The following PTPRD variants were observed in gnomAD, a reference collection of about 807,000 sequenced individuals.
PTPRD encodes the protein protein tyrosine phosphatase receptor type D.
PTPRD carries 34 observed loss-of-function variants against 214.5 expected under a neutral mutation model. That is an observed-to-expected ratio of 0.16 (90% CI 0.12 to 0.21). PTPRD has a LOEUF of 0.21. Ranked by LOEUF, PTPRD falls within the 10% of genes least tolerant of loss-of-function variation. The pLI, the probability that PTPRD is intolerant of heterozygous loss-of-function variation, is 1.00. For missense variants in PTPRD, 2,545 were observed against 2,398.7 expected, an observed-to-expected ratio of 1.06 and a Z score of -1.27; for synonymous variants, 1,128 against 845.7, an observed-to-expected ratio of 1.33 and a Z score of -5.79.
intron 10 of PTPRD, among the ~76,000 whole-genome samples, chr9:9,109,202 C>A (rs1052275659): frequency 1.3e-5 from 2 of 152,148 alleles, no homozygotes; most frequent in African/African-American, 4.8e-5. Context: ...AGTTTCTCAA[C>A]TTTTAAACCT....
intron 21 of PTPRD, among the ~76,000 whole-genome samples, chr9:8,512,807 T>A (rs1385700029): frequency 6.6e-6 from 1 of 151,960 alleles, no homozygotes; most frequent in African/African-American, 2.4e-5. Flanking sequence ...AAGACACATA[T>A]TAGGATTTAA....
chr9:8,452,146 T>C (rs2095983606), intron 33 of PTPRD, among the ~76,000 whole-genome samples: 1 of 152,206 alleles, frequency 6.6e-6, no homozygotes, highest in Non-Finnish European at 1.5e-5. Context: ...TAACTTCTCT[T>C]TCACTGTTTA....
intron 8 of PTPRD, among the ~76,000 whole-genome samples, chr9:9,562,791 A>G (rs1396895017): frequency 6.6e-6 from 1 of 151,880 alleles, no homozygotes; most frequent in Non-Finnish European, 1.5e-5. Flanking sequence ...TTATCCCCAA[A>G]TCTCCTATTT....
intron 4 of PTPRD, among the ~76,000 whole-genome samples, chr9:10,002,125 A>C (rs1470108025): frequency 6.6e-6 from 1 of 151,592 alleles, no homozygotes; most frequent in Admixed American, 6.6e-5. Flanking sequence ...TTAAGCAGTT[A>C]ATTGTAATCC....
At chr9:9,054,095 C>T (rs924533869) in intron 10 of PTPRD, among the ~76,000 whole-genome samples, 1 of 152,078 alleles carries the variant, frequency 6.6e-6, no homozygotes, top group African/African-American at 2.4e-5. Context: ...GGTCCATGCA[C>T]CAAATGTCTC....
At chr9:9,891,375 T>C (rs1601138319) in intron 5 of PTPRD, among the ~76,000 whole-genome samples, 1 of 122,002 alleles carries the variant, frequency 8.2e-6, no homozygotes, top group Non-Finnish European at 1.6e-5. Flanking sequence ...AAACATACAC[T>C]TTTTTTTTTT....
intron 2 of PTPRD, among the ~76,000 whole-genome samples, chr9:10,611,008 T>A (rs959464265): frequency 2.6e-5 from 4 of 152,168 alleles, no homozygotes; most frequent in African/African-American, 9.6e-5. Context: ...TCTACCATTA[T>A]CAACAATTAA....
chr9:8,991,412 G>A (rs1237193867), intron 11 of PTPRD, among the ~76,000 whole-genome samples: 4 of 151,914 alleles, frequency 2.6e-5, no homozygotes, highest in Non-Finnish European at 5.9e-5. Flanking sequence ...CCCCCTACAA[G>A]GTGCTCAGTA....
intron 39 of PTPRD, among the ~76,000 whole-genome samples, chr9:8,352,095 T>TG (rs4008209): frequency 6.6e-6 from 1 of 151,674 alleles, no homozygotes; most frequent in Non-Finnish European, 1.5e-5. Context: ...TTTTTTTTTT[T>TG]CAAATATGTA....
At chr9:9,807,355 T>C (rs190245379) in intron 5 of PTPRD, among the ~76,000 whole-genome samples, 5 of 152,252 alleles carry the variant, frequency 3.3e-5, no homozygotes, top group East Asian at 3.9e-4. Context: ...CACATACTTA[T>C]GTGAAGATAA....
intron 5 of PTPRD, among the ~76,000 whole-genome samples, chr9:9,928,755 T>TCCACACACAC (rs1555348332): frequency 2.7e-5 from 3 of 109,624 alleles, no homozygotes; most frequent in African/African-American, 1.1e-4. Context: ...TCTCTCTCTC[T>TCCACACACAC]ATACACACAC....
chr9:10,255,345 C>T (rs1356885299), intron 3 of PTPRD, among the ~76,000 whole-genome samples: 3 of 152,144 alleles, frequency 2.0e-5, no homozygotes, highest in African/African-American at 4.8e-5. Context: ...AGGCTACAAA[C>T]CTGTATAGCA....
chr9:9,892,873 T>C (rs1191113069), intron 5 of PTPRD, among the ~76,000 whole-genome samples: 1 of 151,852 alleles, frequency 6.6e-6, no homozygotes, highest in African/African-American at 2.4e-5. Context: ...ACATAAGAGA[T>C]AAAAAGAGTC....
chr9:9,189,979 G>T (rs2099934104), intron 9 of PTPRD, among the ~76,000 whole-genome samples: 1 of 151,990 alleles, frequency 6.6e-6, no homozygotes, highest in African/African-American at 2.4e-5. Flanking sequence ...GTGATAATTT[G>T]CCCCTTCCTC....
intron 5 of PTPRD, among the ~76,000 whole-genome samples, chr9:9,849,754 T>A (rs2060196368): frequency 6.6e-6 from 1 of 152,138 alleles, no homozygotes; most frequent in African/African-American, 2.4e-5. Flanking sequence ...GAGTGGACTT[T>A]TGCATCCAGC....
At chr9:9,233,065 A>G (rs983835270) in intron 9 of PTPRD, among the ~76,000 whole-genome samples, 18 of 152,116 alleles carry the variant, frequency 1.2e-4, no homozygotes, top group African/African-American at 4.3e-4. Flanking sequence ...GGGAATAAGG[A>G]ATGATGCACA....
rs1246229192 is a variant in PTPRD at position 9,424,148 on chromosome 9, CAT to C, written c.-236-26668_-236-26667del. On this transcript the variant is annotated intron_variant, in intron 8 of 45. Transcript: ENST00000381196. Reference sequence around the variant, plus strand: ...TGAAGATCTGGACCACTTGAAGGGACATCCTAGCTCCAGAGCTGCCCGTGGAA... The same window carrying C: ...TGAAGATCTGGACCACTTGAAGGGACCCTAGCTCCAGAGCTGCCCGTGGAA... 2.0e-5 allele frequency among the ~76,000 whole-genome samples: 3 copies of C among 152,324 alleles called. No homozygotes were observed. The East Asian group carries it at 5.8e-4, about 29-fold the overall frequency.
intron 10 of PTPRD, among the ~76,000 whole-genome samples, chr9:9,082,146 G>A (rs980012272): frequency 3.3e-5 from 5 of 152,036 alleles, no homozygotes; most frequent in Non-Finnish European, 7.4e-5. Context: ...AAACCTGGCA[G>A]AGACACAACA....
At chr9:8,401,114 C>T (rs1267659973) in intron 36 of PTPRD, among the ~76,000 whole-genome samples, 2 of 151,898 alleles carry the variant, frequency 1.3e-5, no homozygotes, top group African/African-American at 2.4e-5. Flanking sequence ...TATTAGCTTC[C>T]AATATCCAAG....
Sources: gnomAD v4.1 joint callset for allele counts (sites outside exome capture counted in the v4.1 genomes callset) on GRCh38, gnomAD v4.1.1 for gene constraint, MANE v1.5 for transcripts, NCBI Gene and HGNC (gene_info 2026-07-23, HGNC 2026-07-21) for gene names.